SH3BP1: variants seen among roughly 807,000 people sequenced by gnomAD.
SH3BP1 encodes SH3 domain binding protein 1.
In SH3BP1, 46 loss-of-function variants were observed where a neutral mutation model predicts 69.8. The ratio of observed to expected loss-of-function variants is 0.66; its 90% confidence interval spans 0.52 to 0.84. The LOEUF (loss-of-function observed/expected upper bound fraction) is 0.84, where lower values mean the gene tolerates loss of function less well. Among genes scored for constraint, SH3BP1 ranks in the 40% least tolerant of loss-of-function variants. SH3BP1 has a pLI of 0.00. For missense variants in SH3BP1, 868 were observed against 930.9 expected, an observed-to-expected ratio of 0.93 and a Z score of 0.88; for synonymous variants, 403 against 378.0, an observed-to-expected ratio of 1.07 and a Z score of -0.77.
chr22:37,646,743 C>A, intron 10 of SH3BP1, 75 bp from the exon 11 acceptor site: 1 of 893,048 alleles, frequency 1.1e-6, no homozygotes, highest in Non-Finnish European at 1.6e-6. Flanking sequence ...TGGCACACCC[C>A]AGGCTACAAG....
At chr22:37,645,337 G>T in intron 9 of SH3BP1, 28 bp from the exon 10 acceptor site, 1 of 1,587,990 alleles carries the variant, frequency 6.3e-7, no homozygotes, top group Non-Finnish European at 8.6e-7. Flanking sequence ...GGAAGGCCCT[G>T]GGCCGCTGAT....
At chr22:37,641,581 C>A in intron 3 of SH3BP1, 103 bp downstream of exon 3, 2 of 967,554 alleles carry the variant, frequency 2.1e-6, no homozygotes, top group Non-Finnish European at 3.1e-6. Context: ...GAGTGTCTGG[C>A]ACCAAGGGCA....
chr22:37,644,251 C>T (rs978331059), intron 7 of SH3BP1, among the ~76,000 whole-genome samples: 1 of 151,924 alleles, frequency 6.6e-6, no homozygotes, highest in Non-Finnish European at 1.5e-5. Flanking sequence ...TAGTGGCGGG[C>T]GCCTGTAATC....
At position 37,647,508 on chromosome 22, in the gene SH3BP1, C is replaced by T. The variant is rs773386030; in HGVS notation, c.1186C>T (p.Leu396Phe). The T allele has an allele frequency of 1.2e-6, 2 of 1,603,928 alleles. No individual in the cohort carries two copies. The highest frequency in any genetic ancestry group is 2.2e-5 in the East Asian group (1 of 44,842). Residue 396 changes from leucine to phenylalanine, a missense_variant, in exon 13 of 18, where the codon CTC (leucine) becomes TTC (phenylalanine). Around this residue, in one of 3 missense-constraint regions of SH3BP1, gnomAD observed 474 missense variants for 462.3 expected, o/e 1.03. Transcript: ENST00000649765. ...GTGCAGCCGCCTACCCCCCGAGAAC[C>T]TCAGCAACCTCAGGTGAGCCCGAGC... is the stretch of plus-strand genomic sequence containing the variant. The part of the protein sequence containing the change: ...EVCSRLPPEN[L>F]SNLRYLMKFL...
Position 37,639,738 on chromosome 22 carries a change from C to A in SH3BP1, c.-50C>A. ...GAGGCAGGCTGGACCGGGGGCTCCC[C>A]GGGCCCGCGACCCCCGCCGTGACCC... On this transcript the variant is annotated 5_prime_UTR_variant, in exon 1 of 18. Transcript: ENST00000649765. 1.6e-6 allele frequency: 2 copies of A among 1,257,188 alleles called. No homozygotes were observed. Among genetic ancestry groups the A allele is most frequent in the Non-Finnish European group, 2.2e-6 (2 of 926,778 alleles). The allele number at this position is 1,257,188 out of a possible 1,614,324, so 77.9% of individuals were successfully genotyped here.
chr22:37,639,862 T>A lies in SH3BP1; in HGVS notation c.59+16T>A. On this transcript the variant is annotated intron_variant, in intron 1 of 17. Transcript: ENST00000649765. Reference sequence around the variant, plus strand: ...GCTTGGGACGGTGAGTGTCACCCGCTTCCAGCCCCACTCTTACCCCGGCAG... The same window carrying A: ...GCTTGGGACGGTGAGTGTCACCCGCATCCAGCCCCACTCTTACCCCGGCAG... 6.4e-7 allele frequency: 1 copy of A among 1,558,084 alleles called. No individual in the cohort carries two copies. The highest frequency in any genetic ancestry group is 8.7e-7 in the Non-Finnish European group (1 of 1,153,814).
intron 15 of SH3BP1, 144 bp from the exon 16 acceptor site, chr22:37,650,398 G>C: frequency 6.7e-7 from 1 of 1,491,840 alleles, no homozygotes; most frequent in Non-Finnish European, 9.0e-7. Context: ...TGCCTGCTTT[G>C]TGGGGTGGTG....
intron 10 of SH3BP1, 127 bp downstream of exon 10, chr22:37,645,637 A>G: frequency 9.0e-7 from 1 of 1,110,126 alleles, no homozygotes; most frequent in Non-Finnish European, 1.3e-6. Flanking sequence ...GGGAGAAGAC[A>G]TGACTGCCTC....
At chr22:37,645,090 T>G (rs748337310) in intron 9 of SH3BP1, 130 bp downstream of exon 9, 204 of 914,860 alleles carry the variant, frequency 2.2e-4, no homozygotes, top group Non-Finnish European at 3.3e-4. Context: ...GCTCAATCTG[T>G]GATGGAGAGG....
At chr22:37,640,418 C>T (rs1194591248) in intron 1 of SH3BP1, 1 of 152,526 alleles carries the variant, frequency 6.6e-6, no homozygotes, top group African/African-American at 2.4e-5. Context: ...CCAGGTCTCC[C>T]AGCTCCCACC....
intron 2 of SH3BP1, 67 bp from the exon 3 acceptor site, chr22:37,641,307 G>C (rs1932584045): frequency 6.5e-7 from 1 of 1,531,294 alleles, no homozygotes; most frequent in South Asian, 1.2e-5. Context: ...CCAGGGGACA[G>C]GAGAAAGTTT....
In SH3BP1 at chr22:37,646,731, A is replaced by T; in HGVS notation, c.925-87A>T. ...CGGGGACACAGGCCTAGCAAAGGCC[A>T]GTGGCACACCCCAGGCTACAAGTGC... On this transcript the variant is annotated intron_variant, in intron 10 of 17. Transcript: ENST00000649765. The T allele has an allele frequency of 4.1e-6, 3 of 732,696 alleles. No homozygotes were observed. The Admixed American group carries it at 1.0e-4, about 25-fold the overall frequency. 45.4% of individuals were successfully genotyped at this position (732,696 alleles called of 1,614,324 possible).
At chr22:37,653,218 G>C (rs115701538) in intron 16 of SH3BP1, among the ~76,000 whole-genome samples, 2,897 of 152,060 alleles carry the variant, frequency 0.019, 99 homozygotes, top group African/African-American at 0.067. Flanking sequence ...GCAGAAGATC[G>C]CTTGAGACCA....
At chr22:37,645,259 A>C in intron 9 of SH3BP1, 106 bp from the exon 10 acceptor site, 1 of 1,342,172 alleles carries the variant, frequency 7.5e-7, no homozygotes, top group Non-Finnish European at 1.0e-6. Context: ...GTGCCTGGAC[A>C]GTCAGTGGCA....
chr22:37,644,569 A>G (rs1932745382), intron 7 of SH3BP1, 68 bp from the exon 8 acceptor site: 7 of 1,508,912 alleles, frequency 4.6e-6, no homozygotes, highest in Non-Finnish European at 6.5e-6. Flanking sequence ...CAACCCTTCC[A>G]AGCCTCCTCT....
At chr22:37,649,071 GC>G (rs1932833332) in intron 14 of SH3BP1, among the ~76,000 whole-genome samples, 1 of 152,112 alleles carries the variant, frequency 6.6e-6, no homozygotes, top group Admixed American at 6.6e-5. Flanking sequence ...CCAGAGATGG[GC>G]CTGAGGAAGA....
chr22:37,649,827 G>A (rs1932844984), intron 14 of SH3BP1: 1 of 448,934 alleles, frequency 2.2e-6, no homozygotes, highest in East Asian at 4.6e-5. Context: ...AAAGTGCAGT[G>A]CTATGTGAGG....
rs1933010676 is a variant in SH3BP1 at position 37,655,605 on chromosome 22, A to G, written c.2027A>G (p.Glu676Gly). The change falls in exon 18 of 18, where the codon GAG becomes GGG. Residue 676 changes from glutamate to glycine, a missense_variant. Glu to Gly is a moderately conservative substitution (Grantham distance 98). This residue lies in a region of SH3BP1 where 474 missense variants were observed against 462.3 expected (regional missense o/e 1.03). Transcript: ENST00000649765. Reference protein sequence around the residue: ...GAATAEGGAPEAISGVPTPPA... With the variant: ...GAATAEGGAPGAISGVPTPPA... The stretch of plus-strand genomic sequence containing the variant: ...GCCACAGCAGAGGGAGGAGCCCCTG[A>G]GGCTATCAGTGGGGTCCCCACTCCC... 2 of 1,578,908 alleles carry G rather than the reference A, an allele frequency of 1.3e-6. No individual in the cohort carries two copies. Among genetic ancestry groups the G allele is most frequent in the African/African-American group, 1.4e-5 (1 of 73,678 alleles).
intron 1 of SH3BP1, 143 bp downstream of exon 1, chr22:37,639,989 C>T (rs1932523819): frequency 3.4e-6 from 2 of 587,994 alleles, no homozygotes; most frequent in Non-Finnish European, 2.8e-6. Flanking sequence ...CTCTCTCTTC[C>T]TCCTCTCTGA....
Sources: allele counts gnomAD v4.1 joint callset (sites outside exome capture counted in the v4.1 genomes callset), GRCh38; gene constraint gnomAD v4.1.1; regional missense constraint gnomAD v4.1.1; transcripts MANE v1.5; gene names NCBI Gene and HGNC (gene_info 2026-07-23, HGNC 2026-07-21).